The following CLSTN1 variants were observed in gnomAD, a reference collection of about 807,000 sequenced individuals.
The protein encoded by CLSTN1 is calsyntenin-1.
A neutral mutation model predicts 108.3 loss-of-function variants in CLSTN1; 28 were observed. The ratio of observed to expected loss-of-function variants is 0.26; its 90% CI spans 0.19 to 0.35. The LOEUF (loss-of-function observed/expected upper bound fraction) is 0.35, where lower values mean the gene tolerates loss of function less well. Among genes scored for constraint, CLSTN1 ranks in the 10% least tolerant of loss-of-function variants. CLSTN1 has a pLI of 1.00. For synonymous variants in CLSTN1, 524 were observed against 534.9 expected (o/e 0.98, Z 0.28); for missense variants, 1,157 against 1,302.6 (o/e 0.89, Z 1.72).
At chr1:9,731,699 G>C (rs1411539290) in intron 17 of CLSTN1, 62 bp downstream of exon 17, 2 of 1,524,150 alleles carry the variant, frequency 1.3e-6, no homozygotes, top group Non-Finnish European at 1.8e-6. Flanking sequence ...TGCCCACGGT[G>C]GGGTGGGGGC....
At chr1:9,818,165 G>A (rs1209709462) in intron 1 of CLSTN1, among the ~76,000 whole-genome samples, 6 of 151,780 alleles carry the variant, frequency 4.0e-5, no homozygotes, top group Non-Finnish European at 7.4e-5. Flanking sequence ...ATGCCACCAT[G>A]CCCAGCTAAT....
chr1:9,786,657 A>AAC, intron 1 of CLSTN1, among the ~76,000 whole-genome samples: 1 of 150,094 alleles, frequency 6.7e-6, no homozygotes, highest in African/African-American at 2.4e-5. Context: ...TCAAAAAAAA[A>AAC]AAAAAAAAAA....
chr1:9,751,780 T>A, intron 4 of CLSTN1, 99 bp from the exon 5 acceptor site: 1 of 1,007,564 alleles, frequency 9.9e-7, no homozygotes. Flanking sequence ...TGCCCTACTT[T>A]AAAATTTCCT....
intron 4 of CLSTN1, among the ~76,000 whole-genome samples, chr1:9,752,917 C>T (rs991442432): frequency 2.0e-5 from 3 of 151,984 alleles, no homozygotes; most frequent in Non-Finnish European, 4.4e-5. Context: ...ACAGACTCAA[C>T]AAAATTAAAT....
At chr1:9,790,740 A>G (rs1570497015) in intron 1 of CLSTN1, among the ~76,000 whole-genome samples, 2 of 151,522 alleles carry the variant, frequency 1.3e-5, no homozygotes, top group South Asian at 2.2e-4. Context: ...AATCTAGCGG[A>G]TTCAGCTATA....
At chr1:9,812,612 C>T (rs1395724367) in intron 1 of CLSTN1, among the ~76,000 whole-genome samples, 6 of 151,898 alleles carry the variant, frequency 4.0e-5, no homozygotes, top group African/African-American at 1.5e-4. Context: ...TTTGGGAGGC[C>T]GAGGCGGGCA....
At position 9,751,389 on chromosome 1, in the gene CLSTN1, C is replaced by T. The variant is rs550961982; in HGVS notation, c.649+84G>A. 1.4e-5 allele frequency: 19 copies of T among 1,326,924 alleles called. 1 individual carries two copies. Among genetic ancestry groups the T allele is most frequent in the South Asian group, 3.8e-5 (3 of 78,366 alleles). 82.2% of individuals were successfully genotyped at this position (1,326,924 alleles called of 1,614,324 possible). On this transcript the variant is annotated intron_variant, in intron 5 of 18. Transcript: ENST00000377298. Reference sequence around the variant, plus strand: ...ACTTGTGAGTTCCATGAAGTTCTGACGAAGCACAGAAGCTGGGGTGTAAAG... The same window carrying T: ...ACTTGTGAGTTCCATGAAGTTCTGATGAAGCACAGAAGCTGGGGTGTAAAG...
intron 1 of CLSTN1, among the ~76,000 whole-genome samples, chr1:9,805,495 G>C (rs972112134): frequency 2.6e-5 from 4 of 152,128 alleles, no homozygotes; most frequent in Non-Finnish European, 5.9e-5. Context: ...ACATTAATGA[G>C]ATTAGCAAAA....
chr1:9,741,421 G>C (rs1650978189), intron 9 of CLSTN1, among the ~76,000 whole-genome samples, 165 bp from the exon 10 acceptor site: 1 of 152,132 alleles, frequency 6.6e-6, no homozygotes, highest in African/African-American at 2.4e-5. Flanking sequence ...AAGAAGCCAA[G>C]CATCTCTAGG....
intron 7 of CLSTN1, among the ~76,000 whole-genome samples, chr1:9,745,957 G>A (rs535834541): frequency 9.2e-5 from 14 of 151,730 alleles, no homozygotes; most frequent in Admixed American, 2.0e-4. Flanking sequence ...TTGTAGAGAC[G>A]GGGTTTCGCC....
intron 7 of CLSTN1, among the ~76,000 whole-genome samples, chr1:9,745,538 T>G (rs1412278854): frequency 6.6e-6 from 1 of 151,632 alleles, no homozygotes; most frequent in Non-Finnish European, 1.5e-5. Flanking sequence ...ATCCCTGTAG[T>G]CCCAGCTACT....
intron 2 of CLSTN1, among the ~76,000 whole-genome samples, chr1:9,772,227 C>T (rs1341347635): frequency 2.0e-5 from 3 of 151,306 alleles, no homozygotes; most frequent in Admixed American, 6.6e-5. Flanking sequence ...CCTTGTGACC[C>T]GCCCGCCTCG....
At chr1:9,737,681 G>A (rs766977445) in intron 10 of CLSTN1, 127 bp from the exon 11 acceptor site, 5 of 792,200 alleles carry the variant, frequency 6.3e-6, no homozygotes, top group Non-Finnish European at 1.1e-5. Flanking sequence ...TCGTGATCCC[G>A]CTCTGGGATG....
Position 9,823,930 on chromosome 1 carries a change from C to G in CLSTN1, c.-197G>C, listed in dbSNP as rs549236291. 3 of 165,416 alleles carry G rather than the reference C, an allele frequency of 1.8e-5. No individual in the cohort carries two copies. Among genetic ancestry groups the G allele is most frequent in the East Asian group, 3.6e-4 (2 of 5,584 alleles). 10.2% of individuals were successfully genotyped at this position (165,416 alleles called of 1,614,324 possible). ...ACGCGGCGCCCTCCCCGCCTCAGAG[C>G]AGCGTCTTGCTGAAGGCAGCGGCAG... is the stretch of plus-strand genomic sequence containing the variant. On this transcript the variant is annotated 5_prime_UTR_variant, in exon 1 of 19. Coordinates refer to ENST00000377298, the MANE Select transcript of CLSTN1 (RefSeq NM_001009566.3). This position sits in a 1 kb window ranked among gnomAD's most constrained non-coding sequence, Gnocchi z 6.3.
rs781456104 is a variant in CLSTN1 at position 9,773,314 on chromosome 1, G to C, written c.172C>G (p.Pro58Ala). 2 of 1,614,050 alleles carry C rather than the reference G, an allele frequency of 1.2e-6. No homozygotes were observed. The highest frequency in any genetic ancestry group is 2.7e-5 in the African/African-American group (2 of 74,916). ...GCATCTTTATCCAGCGCGATCAGTG[G>C]GGGGTCGAGGAGCACGGTGTTGTCG... ...ENDNTVLLDP[P>A]LIALDKDAPL... The change falls in exon 2 of 19, where the codon CCA (proline) becomes GCA (alanine). Residue 58 changes from proline to alanine, a missense_variant. Coordinates refer to ENST00000377298, the MANE Select transcript of CLSTN1 (RefSeq NM_001009566.3).
At chr1:9,739,194 G>A (rs140384771) in intron 10 of CLSTN1, among the ~76,000 whole-genome samples, 147 of 152,196 alleles carry the variant, frequency 9.7e-4, no homozygotes, top group African/African-American at 3.5e-3. Context: ...AATAAATGTA[G>A]GCTACACACC....
intron 1 of CLSTN1, among the ~76,000 whole-genome samples, chr1:9,793,782 A>C (rs1653870606): frequency 6.6e-6 from 1 of 151,504 alleles, no homozygotes; most frequent in African/African-American, 2.4e-5. Context: ...TCCCTGAAGC[A>C]AAATCATCTC....
At chr1:9,771,971 T>C (rs975172739) in intron 2 of CLSTN1, among the ~76,000 whole-genome samples, 2 of 151,748 alleles carry the variant, frequency 1.3e-5, no homozygotes, top group Non-Finnish European at 2.9e-5. Context: ...CCTAGACAAA[T>C]AGAACACTTT....
At chr1:9,756,637 C>T (rs979074247) in intron 2 of CLSTN1, 127 bp from the exon 3 acceptor site, 23 of 711,022 alleles carry the variant, frequency 3.2e-5, no homozygotes, top group African/African-American at 2.3e-4. Flanking sequence ...CCGGCTTCTA[C>T]GATTGCTACA....
Sources: allele counts gnomAD v4.1 joint callset (sites outside exome capture counted in the v4.1 genomes callset), GRCh38; gene constraint gnomAD v4.1.1; non-coding constraint Gnocchi (gnomAD v3.1); transcripts MANE v1.5; gene names NCBI Gene and HGNC (gene_info 2026-07-23, HGNC 2026-07-21).